The following TSPAN9 variants were observed in gnomAD, a reference collection of about 807,000 sequenced individuals.
The protein encoded by TSPAN9 is tetraspanin 9.
TSPAN9 carries 16 observed loss-of-function variants against 31.0 expected under a neutral mutation model. The observed-to-expected ratio is 0.52, with a 90% CI of 0.35 to 0.78. TSPAN9 has a LOEUF of 0.78. TSPAN9 is among the 30% of genes least tolerant of loss of function. TSPAN9 has a pLI of 0.01. For synonymous variants in TSPAN9, 145 were observed against 121.6 expected, an observed-to-expected ratio of 1.19 and a Z score of -1.27; for missense variants, 272 against 312.5, an observed-to-expected ratio of 0.87 and a Z score of 0.98.
intron 2 of TSPAN9, among the ~76,000 whole-genome samples, chr12:3,118,919 C>T (rs1194924916): frequency 1.3e-5 from 2 of 152,298 alleles, no homozygotes; most frequent in South Asian, 2.1e-4. Flanking sequence ...GGCAGGACTT[C>T]GGTGGACAGT....
intron 2 of TSPAN9, among the ~76,000 whole-genome samples, chr12:3,121,425 T>A (rs1235496995): frequency 2.8e-5 from 4 of 143,570 alleles, no homozygotes; most frequent in Non-Finnish European, 1.5e-5. Context: ...AGTGGTGTGA[T>A]CACAGCTCAT....
chr12:3,100,004 G>A (rs2098311090), intron 2 of TSPAN9, among the ~76,000 whole-genome samples: 1 of 152,056 alleles, frequency 6.6e-6, no homozygotes, highest in Admixed American at 6.6e-5. Context: ...ACCATGCCTG[G>A]CTAATTTTTT....
chr12:3,103,301 G>A (rs550743258), intron 2 of TSPAN9, among the ~76,000 whole-genome samples: 112 of 152,304 alleles, frequency 7.4e-4, no homozygotes, highest in Middle Eastern at 3.4e-3. Flanking sequence ...CGCGGTAGCT[G>A]TTGTCTGCAT....
chr12:3,270,144 A>G (rs1862646499), intron 3 of TSPAN9, among the ~76,000 whole-genome samples: 1 of 152,110 alleles, frequency 6.6e-6, no homozygotes, highest in Non-Finnish European at 1.5e-5. Flanking sequence ...ACATGCCTCT[A>G]CCTTCTTTTC....
intron 2 of TSPAN9, among the ~76,000 whole-genome samples, chr12:3,092,231 T>A (rs2098305114): frequency 6.6e-6 from 1 of 152,192 alleles, no homozygotes; most frequent in South Asian, 2.1e-4. Flanking sequence ...CTTAGTTCTC[T>A]GCTCAGGTCC....
At chr12:3,139,613 G>A (rs551976924) in intron 2 of TSPAN9, among the ~76,000 whole-genome samples, 6 of 152,280 alleles carry the variant, frequency 3.9e-5, no homozygotes, top group African/African-American at 1.4e-4. Context: ...CTGTCACCCA[G>A]GCTGGGGTGC....
At chr12:3,282,246 C>T (rs945245304) in intron 8 of TSPAN9, 5 of 545,148 alleles carry the variant, frequency 9.2e-6, no homozygotes, top group Admixed American at 3.1e-5. Flanking sequence ...TCTGGGTCCC[C>T]GGCTCCTTTG....
intron 2 of TSPAN9, among the ~76,000 whole-genome samples, chr12:3,091,104 C>T (rs1053251908): frequency 4.6e-5 from 7 of 152,254 alleles, no homozygotes; most frequent in Non-Finnish European, 1.0e-4. Context: ...TGCTGATTTT[C>T]ATGGCATCTC....
chr12:3,267,562 G>C (rs186383662), intron 3 of TSPAN9, among the ~76,000 whole-genome samples: 1 of 152,312 alleles, frequency 6.6e-6, no homozygotes, highest in East Asian at 1.9e-4. Context: ...AGCCCATCTT[G>C]CCTCTCACAG....
chr12:3,109,043 C>T lies in TSPAN9; in HGVS notation c.-18+25324C>T, dbSNP rs183392152. 2.7e-3 allele frequency among the ~76,000 whole-genome samples: 409 copies of T among 152,096 alleles called. 1 individual carries two copies. Among genetic ancestry groups the T allele is most frequent in the African/African-American group, 9.5e-3 (394 of 41,492 alleles). ...CTCCGCCTCTCGGGTTTACACCATT[C>T]TCCTGTCTCAGCCTCCCGAGTAGCT... On this transcript the variant is annotated intron_variant, in intron 2 of 8. Coordinates refer to ENST00000011898, the MANE Select transcript of TSPAN9 (RefSeq NM_006675.5).
chr12:3,241,345 A>T (rs934284773), intron 3 of TSPAN9, among the ~76,000 whole-genome samples: 1 of 152,242 alleles, frequency 6.6e-6, no homozygotes, highest in African/African-American at 2.4e-5. Flanking sequence ...TGGCATTTAT[A>T]TACTATGTAT....
Position 3,237,837 on chromosome 12 carries a change from C to T in TSPAN9, c.63+36581C>T, listed in dbSNP as rs143733664. On this transcript the variant is annotated intron_variant, in intron 3 of 8. Coordinates refer to ENST00000011898, the MANE Select transcript of TSPAN9 (RefSeq NM_006675.5). ...CCACACAGCCAGCTGCTGCCTGCTGCGAAAGGGCATTGCCACCACCATCTG... is the reference window on the plus strand; with the variant it reads ...CCACACAGCCAGCTGCTGCCTGCTGTGAAAGGGCATTGCCACCACCATCTG... Among the ~76,000 whole-genome samples, 8 of 152,306 alleles carry T rather than the reference C, an allele frequency of 5.3e-5. No homozygotes were observed. The South Asian group carries it at 1.2e-3, about 24-fold the overall frequency.
chr12:3,263,928 C>G (rs1862497346), intron 3 of TSPAN9, among the ~76,000 whole-genome samples: 1 of 152,012 alleles, frequency 6.6e-6, no homozygotes, highest in Admixed American at 6.6e-5. Flanking sequence ...GTGAGCGGGT[C>G]TGGAGGTGGA....
At chr12:3,228,753 A>G (rs1426458739) in intron 3 of TSPAN9, among the ~76,000 whole-genome samples, 2 of 152,246 alleles carry the variant, frequency 1.3e-5, no homozygotes, top group Admixed American at 6.5e-5. Flanking sequence ...GGCTGCTGTA[A>G]CAAATTACCA....
chr12:3,189,214 G>T (rs947449833), intron 2 of TSPAN9, among the ~76,000 whole-genome samples: 19 of 152,278 alleles, frequency 1.2e-4, no homozygotes, highest in Non-Finnish European at 2.2e-4. Context: ...TGAGCAGGAT[G>T]GGGGAGGCTT....
intron 2 of TSPAN9, among the ~76,000 whole-genome samples, chr12:3,098,046 C>G (rs530900094): frequency 1.3e-5 from 2 of 151,884 alleles, no homozygotes; most frequent in African/African-American, 2.4e-5. Context: ...TGCAGGACGT[C>G]GGCCAGAGTG....
chr12:3,132,490 T>G lies in TSPAN9; in HGVS notation c.-18+48771T>G, dbSNP rs146528923. On this transcript the variant is annotated intron_variant, in intron 2 of 8. Transcript: ENST00000011898. ...CTAGATGTGAAGTGGTATCTTACTG[T>G]GCTTTGATTTGCATTCCCTGATGGA... Among the ~76,000 whole-genome samples, 8 of 152,044 alleles carry G rather than the reference T, an allele frequency of 5.3e-5. No homozygotes were observed. In the East Asian group the frequency reaches 1.5e-3, roughly 29 times the overall value.
At chr12:3,232,799 C>T (rs982897392) in intron 3 of TSPAN9, among the ~76,000 whole-genome samples, 2 of 152,236 alleles carry the variant, frequency 1.3e-5, no homozygotes, top group Non-Finnish European at 2.9e-5. Context: ...TCCAGCCACT[C>T]TCAGTGGGCA....
intron 3 of TSPAN9, among the ~76,000 whole-genome samples, chr12:3,226,951 G>A (rs1452009339): frequency 6.6e-6 from 1 of 150,418 alleles, no homozygotes; most frequent in African/African-American, 2.5e-5. Flanking sequence ...GTTTCCAACA[G>A]TATCCTTGAT....
Sources: gnomAD v4.1 joint callset for allele counts (sites outside exome capture counted in the v4.1 genomes callset) on GRCh38, gnomAD v4.1.1 for gene constraint, MANE v1.5 for transcripts, NCBI Gene and HGNC (gene_info 2026-07-23, HGNC 2026-07-21) for gene names.